Variants in PTK2 observed in about 807,000 individuals in gnomAD.
PTK2 encodes protein tyrosine kinase 2.
PTK2 carries 45 observed loss-of-function variants against 150.1 expected under a neutral mutation model. The ratio of observed to expected loss-of-function variants is 0.30; its 90% confidence interval spans 0.24 to 0.38. The LOEUF is 0.38. Among genes scored for constraint, PTK2 ranks in the 10% least tolerant of loss-of-function variants. The pLI, the probability that PTK2 is intolerant of heterozygous loss-of-function variation, is 1.00. For missense variants in PTK2, 919 were observed against 1,307.3 expected, an observed-to-expected ratio of 0.70 and a Z score of 4.58; for synonymous variants, 432 against 449.2, an observed-to-expected ratio of 0.96 and a Z score of 0.48.
At chr8:140,787,205 G>A (rs573389191) in intron 14 of PTK2, among the ~76,000 whole-genome samples, 2 of 152,248 alleles carry the variant, frequency 1.3e-5, no homozygotes, top group South Asian at 2.1e-4. Flanking sequence ...ATGAAAGCAC[G>A]ATCACAAGTA....
At chr8:140,906,441 T>G (rs2100160898) in intron 2 of PTK2, among the ~76,000 whole-genome samples, 1 of 152,144 alleles carries the variant, frequency 6.6e-6, no homozygotes, top group Non-Finnish European at 1.5e-5. Context: ...GGAATCCACA[T>G]GGACAATGTG....
chr8:140,824,672 A>G (rs552082415), intron 8 of PTK2, among the ~76,000 whole-genome samples: 2 of 152,328 alleles, frequency 1.3e-5, no homozygotes, highest in East Asian at 3.9e-4. Context: ...CTTAGAAAGC[A>G]TTAGTTCTTT....
chr8:140,873,622 C>T (rs895929142), intron 4 of PTK2, among the ~76,000 whole-genome samples: 6 of 152,120 alleles, frequency 3.9e-5, no homozygotes, highest in African/African-American at 7.2e-5. Flanking sequence ...TCCGCCATGA[C>T]GCCTGGTAAT....
chr8:140,838,391 G>A (rs939003570), intron 7 of PTK2, among the ~76,000 whole-genome samples: 4 of 152,204 alleles, frequency 2.6e-5, no homozygotes, highest in Admixed American at 1.3e-4. Context: ...GAACAGCCAT[G>A]GTGTGTGCAT....
chr8:140,971,659 A>G (rs1352331887), intron 1 of PTK2, among the ~76,000 whole-genome samples: 4 of 152,232 alleles, frequency 2.6e-5, no homozygotes, highest in Non-Finnish European at 5.9e-5. Context: ...ATACTGTAGT[A>G]AAGTCATTTC....
At chr8:140,684,988 A>C (rs571131942) in intron 27 of PTK2, among the ~76,000 whole-genome samples, 1 of 152,250 alleles carries the variant, frequency 6.6e-6, no homozygotes, top group Non-Finnish European at 1.5e-5. Context: ...ACATGACTTC[A>C]AACTATACTA....
intron 8 of PTK2, among the ~76,000 whole-genome samples, chr8:140,828,591 A>C (rs1373369918): frequency 6.6e-6 from 1 of 152,212 alleles, no homozygotes; most frequent in Non-Finnish European, 1.5e-5. Context: ...AATACTACTA[A>C]TGTGACATAA....
At chr8:140,702,949 G>C (rs941183322) in intron 24 of PTK2, among the ~76,000 whole-genome samples, 1 of 152,186 alleles carries the variant, frequency 6.6e-6, no homozygotes, top group Non-Finnish European at 1.5e-5. Flanking sequence ...GGATATCTGA[G>C]TGAGTCCAGT....
chr8:140,813,320 T>A (rs2100102725), intron 10 of PTK2, among the ~76,000 whole-genome samples: 1 of 151,528 alleles, frequency 6.6e-6, no homozygotes, highest in Admixed American at 6.6e-5. Flanking sequence ...AATCAAGAAG[T>A]GCTTTGAAAT....
intron 5 of PTK2, among the ~76,000 whole-genome samples, chr8:140,860,920 C>T (rs895050911): frequency 2.0e-5 from 3 of 152,176 alleles, no homozygotes; most frequent in African/African-American, 7.2e-5. Context: ...GGAATGTGAC[C>T]ATGACTATAC....
rs933826099 is a variant in PTK2, at chr8:140,669,699, C to G, written c.2710-1275G>C. ...GCCGGGTGTGATAGAGAGAGCTGGA[C>G]AGACACACAAAGACACGATGTGCTT... On this transcript the variant is annotated intron_variant, in intron 29 of 31. Transcript: ENST00000522684. The G allele has an allele frequency of 6.5e-6, 10 of 1,531,632 alleles. No homozygotes were observed. In the African/African-American group the frequency reaches 1.4e-4, roughly 21 times the overall value. 94.9% of individuals were successfully genotyped at this position (1,531,632 alleles called of 1,614,324 possible).
intron 10 of PTK2, among the ~76,000 whole-genome samples, chr8:140,814,239 G>A (rs1174456773): frequency 6.6e-6 from 1 of 152,166 alleles, no homozygotes; most frequent in Non-Finnish European, 1.5e-5. Flanking sequence ...AGATGAGCTG[G>A]TACCATTCTT....
chr8:140,762,726 A>G (rs1176817992), intron 15 of PTK2, among the ~76,000 whole-genome samples: 1 of 152,168 alleles, frequency 6.6e-6, no homozygotes, highest in African/African-American at 2.4e-5. Flanking sequence ...GCAGGAATGT[A>G]CAAGTGTCTA....
chr8:140,761,474 T>C (rs2100069397), intron 15 of PTK2, among the ~76,000 whole-genome samples: 1 of 152,166 alleles, frequency 6.6e-6, no homozygotes, highest in South Asian at 2.1e-4. Flanking sequence ...ACTGAAACAA[T>C]GAGTTCTACT....
chr8:140,679,007 T>TGTTTTTTTTG (rs1564184266), intron 27 of PTK2, among the ~76,000 whole-genome samples: 3 of 8,144 alleles, frequency 3.7e-4, no homozygotes, highest in African/African-American at 1.0e-3. Flanking sequence ...CCCCATGTTT[T>TGTTTTTTTTG]TTTTTTTTTT....
At chr8:140,854,813 C>T (rs1037325833) in intron 5 of PTK2, among the ~76,000 whole-genome samples, 3 of 152,064 alleles carry the variant, frequency 2.0e-5, no homozygotes, top group Non-Finnish European at 4.4e-5. Context: ...CTCATGACCC[C>T]ACCCAAAATG....
chr8:140,800,246 T>A (rs1352908434), intron 12 of PTK2, among the ~76,000 whole-genome samples: 4 of 152,204 alleles, frequency 2.6e-5, no homozygotes, highest in Non-Finnish European at 5.9e-5. Context: ...ATGTTTTTTT[T>A]AGGCTCTATT....
chr8:140,735,461 A>C lies in PTK2; in HGVS notation c.1826-6T>G. 6.2e-7 allele frequency: 1 copy of C among 1,613,796 alleles called. No individual in the cohort carries two copies. The highest frequency in any genetic ancestry group is 8.5e-7 in the Non-Finnish European group (1 of 1,179,688). ...TATCTCCCACATACACACACCTGTC[A>C]AGTGGGAATGAAAACACAACAGTGA... On this transcript the variant is annotated splice_polypyrimidine_tract_variant and splice_region_variant and intron_variant, in intron 21 of 31. Transcript: ENST00000522684.
chr8:141,000,087 T>TCA (rs71310820), intron 1 of PTK2, among the ~76,000 whole-genome samples: 12,549 of 81,554 alleles, frequency 0.15, 685 homozygotes, highest in Non-Finnish European at 0.16. Flanking sequence ...TGAAACCAAT[T>TCA]CACACACACA....
Sources: allele counts gnomAD v4.1 joint callset (sites outside exome capture counted in the v4.1 genomes callset), GRCh38; gene constraint gnomAD v4.1.1; transcripts MANE v1.5; gene names NCBI Gene and HGNC (gene_info 2026-07-23, HGNC 2026-07-21).